The following APBA1 variants were observed in gnomAD, a reference collection of about 807,000 sequenced individuals.
APBA1 encodes amyloid-beta A4 precursor protein-binding family A member 1.
In APBA1, 55 loss-of-function variants were observed where a neutral mutation model predicts 86.6. The observed-to-expected ratio is 0.64, with a 90% CI of 0.51 to 0.80. The LOEUF (loss-of-function observed/expected upper bound fraction) is 0.80. APBA1 is among the 30% of genes least tolerant of loss of function. The probability of loss-of-function intolerance (pLI) is 0.00; values close to 1 mark genes in which losing one functional copy is unlikely to be tolerated. For synonymous variants in APBA1, 511 were observed against 493.9 expected, an observed-to-expected ratio of 1.03 and a Z score of -0.46; for missense variants, 1,090 against 1,183.0, an observed-to-expected ratio of 0.92 and a Z score of 1.15.
chr9:69,600,088 T>G (rs562655169), intron 1 of APBA1, among the ~76,000 whole-genome samples: 5 of 152,302 alleles, frequency 3.3e-5, no homozygotes, highest in African/African-American at 1.2e-4. Context: ...TTCTAATCTG[T>G]TGCCTCCCTG....
chr9:69,654,960 TG>T (rs1378650144), intron 1 of APBA1, among the ~76,000 whole-genome samples: 2 of 152,228 alleles, frequency 1.3e-5, no homozygotes, highest in Non-Finnish European at 2.9e-5. Flanking sequence ...AAAAACCGTA[TG>T]ATCATTTTAA....
chr9:69,432,984 C>T (rs1001329239), intron 11 of APBA1, among the ~76,000 whole-genome samples: 6 of 152,284 alleles, frequency 3.9e-5, no homozygotes, highest in African/African-American at 9.6e-5. Flanking sequence ...GTCGCAGAGT[C>T]GCCAGTGTTT....
rs572054103 is a variant in APBA1, at chr9:69,671,755, A to G, written c.-70+398T>C. 2.0e-5 allele frequency among the ~76,000 whole-genome samples: 3 copies of G among 152,168 alleles called. No homozygotes were observed. The East Asian group carries it at 5.8e-4, about 30-fold the overall frequency. On this transcript the variant is annotated intron_variant, in intron 1 of 12. Coordinates refer to ENST00000265381, the MANE Select transcript of APBA1 (RefSeq NM_001163.4). Reference sequence around the variant, plus strand: ...TCTTTCTCCAGGAGAGTCAGCCGAGAGATGAGGGGGTCCTAGCGGGGATTC... The same window carrying G: ...TCTTTCTCCAGGAGAGTCAGCCGAGGGATGAGGGGGTCCTAGCGGGGATTC...
rs540142323 is a variant in APBA1, at chr9:69,457,301, G to A, written c.1516-162C>T. ...CCAAAGCTGAAGTTACCACACAGAG[G>A]ATGGACACATGGACAAGAGTTAGCA... is the stretch of plus-strand genomic sequence containing the variant. On this transcript the variant is annotated intron_variant, in intron 6 of 12. Transcript: ENST00000265381. 2.6e-5 allele frequency among the ~76,000 whole-genome samples: 4 copies of A among 152,280 alleles called. No homozygotes were observed. The East Asian group carries it at 7.7e-4, about 29-fold the overall frequency.
chr9:69,448,585 A>C (rs1834950650), intron 10 of APBA1, among the ~76,000 whole-genome samples: 1 of 150,060 alleles, frequency 6.7e-6, no homozygotes, highest in African/African-American at 2.5e-5. Flanking sequence ...TTCACCTCCC[A>C]CCCCCACCCC....
At chr9:69,460,660 T>TC (rs1178606192) in intron 5 of APBA1, 2 of 152,092 alleles carry the variant, frequency 1.3e-5, no homozygotes, top group Non-Finnish European at 2.9e-5. Flanking sequence ...CAAATTCTTT[T>TC]TTTTTTTTTT....
At chr9:69,578,467 T>C (rs1437007472) in intron 1 of APBA1, among the ~76,000 whole-genome samples, 1 of 152,176 alleles carries the variant, frequency 6.6e-6, no homozygotes, top group Non-Finnish European at 1.5e-5. Context: ...CCTTCACTCA[T>C]TTCTCCTCTC....
At chr9:69,439,278 G>C (rs1223889934) in intron 11 of APBA1, among the ~76,000 whole-genome samples, 1 of 141,996 alleles carries the variant, frequency 7.0e-6, no homozygotes, top group Admixed American at 7.1e-5. Context: ...TTCTCGAGGA[G>C]TATCTTTGTG....
At chr9:69,661,970 C>T (rs544930771) in intron 1 of APBA1, among the ~76,000 whole-genome samples, 3 of 151,960 alleles carry the variant, frequency 2.0e-5, no homozygotes, top group Admixed American at 2.0e-4. Flanking sequence ...GTAAGTTACC[C>T]AGCCTCAGGT....
chr9:69,431,057 TC>T lies in APBA1; in HGVS notation c.*269del. 2.9e-6 allele frequency: 1 copy of T among 348,862 alleles called. No homozygotes were observed. The highest frequency in any genetic ancestry group is 5.0e-6 in the Non-Finnish European group (1 of 198,498). 21.6% of individuals were successfully genotyped at this position (348,862 alleles called of 1,614,324 possible). ...CCCCCTGGACACACCCAGAAAGCCC[TC>T]CAGGATGGTCCTGGGTCAGTACCAG... On this transcript the variant is annotated 3_prime_UTR_variant, in exon 13 of 13. Coordinates refer to ENST00000265381, the MANE Select transcript of APBA1 (RefSeq NM_001163.4).
At chr9:69,645,134 G>A (rs920335000) in intron 1 of APBA1, among the ~76,000 whole-genome samples, 1 of 152,114 alleles carries the variant, frequency 6.6e-6, no homozygotes, top group African/African-American at 2.4e-5. Flanking sequence ...GTTTAAGATC[G>A]ATGTTGGAAG....
At chr9:69,441,819 C>CTCTAAATTAAAATGGAGCGTA (rs1834829063) in intron 10 of APBA1, among the ~76,000 whole-genome samples, 1 of 152,214 alleles carries the variant, frequency 6.6e-6, no homozygotes, top group Admixed American at 6.5e-5. Context: ...ACACCTCTCC[C>CTCTAAATTAAAATGGAGCGTA]TCTAAATTAA....
intron 5 of APBA1, chr9:69,462,387 T>C (rs1035416056): frequency 6.6e-6 from 1 of 152,240 alleles, no homozygotes; most frequent in Non-Finnish European, 1.5e-5. Context: ...GGGGTAGGCA[T>C]GAGTCCCACG....
At chr9:69,671,110 A>G (rs903778957) in intron 1 of APBA1, among the ~76,000 whole-genome samples, 1 of 152,162 alleles carries the variant, frequency 6.6e-6, no homozygotes, top group Admixed American at 6.5e-5. Flanking sequence ...TCCATCCTCT[A>G]GCCATAAGGT....
At chr9:69,440,304 C>G (rs1025347496) in intron 11 of APBA1, among the ~76,000 whole-genome samples, 14 of 152,344 alleles carry the variant, frequency 9.2e-5, no homozygotes, top group Non-Finnish European at 1.8e-4. Context: ...CTACTCTCTT[C>G]AAAGCTGTCA....
chr9:69,632,299 C>G (rs1204491607), intron 1 of APBA1, among the ~76,000 whole-genome samples: 1 of 152,056 alleles, frequency 6.6e-6, no homozygotes, highest in Non-Finnish European at 1.5e-5. Flanking sequence ...TAATTATCAA[C>G]AGGAAGCAAA....
intron 1 of APBA1, among the ~76,000 whole-genome samples, chr9:69,562,360 G>T (rs2133939530): frequency 6.6e-6 from 1 of 151,386 alleles, no homozygotes; most frequent in South Asian, 2.1e-4. Context: ...ATATATCCTA[G>T]ATTTTCTTTC....
At chr9:69,603,820 C>T (rs1822403915) in intron 1 of APBA1, among the ~76,000 whole-genome samples, 1 of 152,226 alleles carries the variant, frequency 6.6e-6, no homozygotes, top group South Asian at 2.1e-4. Context: ...TAAACCTGGA[C>T]AGTGCCAGAC....
rs558431980 is a variant in APBA1 at position 69,561,948 on chromosome 9, G to GA, written c.-69-44670dup. Among the ~76,000 whole-genome samples, 7 of 152,216 alleles carry GA rather than the reference G, an allele frequency of 4.6e-5. No individual in the cohort carries two copies. In the South Asian group the frequency reaches 1.5e-3, roughly 32 times the overall value. On this transcript the variant is annotated intron_variant, in intron 1 of 12. Transcript: ENST00000265381. ...TGCTGTCTAGGGGATTTTTTAAGGTGACTGTAATTACCATCATCATAATCA... is the reference window on the plus strand; with the variant it reads ...TGCTGTCTAGGGGATTTTTTAAGGTGAACTGTAATTACCATCATCATAATCA...
Sources: allele counts gnomAD v4.1 joint callset (sites outside exome capture counted in the v4.1 genomes callset), GRCh38; gene constraint gnomAD v4.1.1; transcripts MANE v1.5; gene names NCBI Gene and HGNC (gene_info 2026-07-23, HGNC 2026-07-21).